Variants in NRXN1 observed in about 807,000 individuals in gnomAD.
NRXN1 encodes the protein neurexin-1.
A neutral mutation model predicts 150.9 loss-of-function variants in NRXN1; 39 were observed. The ratio of observed to expected loss-of-function variants is 0.26; its 90% CI spans 0.20 to 0.34. The LOEUF (loss-of-function observed/expected upper bound fraction) is 0.34. NRXN1 is among the 10% of genes least tolerant of loss of function. The pLI is 1.00. For synonymous variants in NRXN1, 924 were observed against 757.0 expected (o/e 1.22, Z -3.62); for missense variants, 1,815 against 1,949.9 (o/e 0.93, Z 1.30).
At chr2:50,642,501 G>A (rs1326654218) in intron 5 of NRXN1, among the ~76,000 whole-genome samples, 1 of 151,910 alleles carries the variant, frequency 6.6e-6, no homozygotes, top group Non-Finnish European at 1.5e-5. Context: ...GTGACATCAT[G>A]AAGAATAATG....
intron 5 of NRXN1, among the ~76,000 whole-genome samples, chr2:50,648,843 C>T (rs1487981046): frequency 6.6e-6 from 1 of 151,986 alleles, no homozygotes; most frequent in Non-Finnish European, 1.5e-5. Context: ...AATCCAGTTT[C>T]CTCATAGAAC....
chr2:50,597,945 C>T (rs1223043125), intron 8 of NRXN1, among the ~76,000 whole-genome samples: 1 of 152,062 alleles, frequency 6.6e-6, no homozygotes, highest in Non-Finnish European at 1.5e-5. Flanking sequence ...TCAAGACTGG[C>T]CTGGCCAATA....
At chr2:50,285,651 T>G (rs913886721) in intron 17 of NRXN1, among the ~76,000 whole-genome samples, 1 of 152,172 alleles carries the variant, frequency 6.6e-6, no homozygotes, top group African/African-American at 2.4e-5. Context: ...GTTGTATAGA[T>G]TGTAAAATGG....
chr2:50,277,963 C>G (rs562881492), intron 17 of NRXN1, among the ~76,000 whole-genome samples: 143 of 151,660 alleles, frequency 9.4e-4, no homozygotes, highest in Non-Finnish European at 1.8e-3. Flanking sequence ...TGTTAAGGTC[C>G]TGGTTATTTT....
chr2:50,345,365 T>C (rs1004193562), intron 17 of NRXN1, among the ~76,000 whole-genome samples: 3 of 152,186 alleles, frequency 2.0e-5, no homozygotes, highest in Admixed American at 6.5e-5. Context: ...CCTGCATCCA[T>C]GGAATAAAGG....
At chr2:49,998,786 G>C (rs1014620998) in intron 21 of NRXN1, among the ~76,000 whole-genome samples, 1 of 152,136 alleles carries the variant, frequency 6.6e-6, no homozygotes, top group East Asian at 1.9e-4. Flanking sequence ...TTGCCTACAC[G>C]AAGTAGTGTA....
chr2:50,528,857 A>C, intron 11 of NRXN1: 1 of 463,480 alleles, frequency 2.2e-6, no homozygotes, highest in South Asian at 3.9e-5. Flanking sequence ...GGTTTTAAAA[A>C]TGGCCAATTC....
chr2:50,472,284 C>CA lies in NRXN1; in HGVS notation c.3244+13dup. ...ATTAGAATTATTTAGAGCATGATGA[C>CA]AAAAATCTAATACCTTCACATCCTC... On this transcript the variant is annotated intron_variant, in intron 16 of 22. Transcript: ENST00000401669. 6.5e-7 allele frequency: 1 copy of CA among 1,528,592 alleles called. No individual in the cohort carries two copies. Among genetic ancestry groups the CA allele is most frequent in the Non-Finnish European group, 8.8e-7 (1 of 1,134,434 alleles). The allele number at this position is 1,528,592 out of a possible 1,614,324, so 94.7% of individuals were successfully genotyped here.
At chr2:50,596,981 T>C (rs947015556) in intron 8 of NRXN1, among the ~76,000 whole-genome samples, 1 of 149,946 alleles carries the variant, frequency 6.7e-6, no homozygotes, top group Non-Finnish European at 1.5e-5. Flanking sequence ...TCCTCCTGAG[T>C]AGCTGGGACA....
At chr2:50,801,743 G>A (rs1707629006) in intron 5 of NRXN1, among the ~76,000 whole-genome samples, 1 of 152,094 alleles carries the variant, frequency 6.6e-6, no homozygotes, top group South Asian at 2.1e-4. Context: ...TTCAAGGCTG[G>A]GTTTGATGTA....
intron 5 of NRXN1, among the ~76,000 whole-genome samples, chr2:50,739,013 G>A (rs1699104767): frequency 6.6e-6 from 1 of 152,056 alleles, no homozygotes; most frequent in South Asian, 2.1e-4. Context: ...TGCTCTATTA[G>A]GCCTAGCCTG....
At chr2:50,103,365 A>G (rs1573928606) in intron 18 of NRXN1, among the ~76,000 whole-genome samples, 1 of 151,998 alleles carries the variant, frequency 6.6e-6, no homozygotes, top group Admixed American at 6.6e-5. Context: ...GTCTGAAATC[A>G]CTTGACTGGT....
chr2:50,146,993 A>AT (rs760252160), intron 18 of NRXN1, among the ~76,000 whole-genome samples: 31 of 151,702 alleles, frequency 2.0e-4, no homozygotes, highest in Admixed American at 2.0e-4. Context: ...CTACATAAAT[A>AT]ATTCCCTAAG....
At chr2:50,694,687 T>C (rs1198478678) in intron 5 of NRXN1, among the ~76,000 whole-genome samples, 1 of 152,142 alleles carries the variant, frequency 6.6e-6, no homozygotes. Context: ...AATCAATTGA[T>C]TTGATTATGA....
rs2092201132 is a variant in NRXN1, at chr2:50,505,984, A to C, written c.2497+511T>G. On this transcript the variant is annotated intron_variant, in intron 13 of 22. Transcript: ENST00000401669. ...AATCTAAAAATGGGGGTTGAACTTG[A>C]CATCCTTAATATTAGAATTTAACCA... Among the ~76,000 whole-genome samples the C allele has an allele frequency of 2.0e-5, 3 of 152,284 alleles. No individual in the cohort carries two copies. In the South Asian group the frequency reaches 6.2e-4, roughly 32 times the overall value.
At chr2:50,552,103 G>A (rs959371120) in intron 9 of NRXN1, among the ~76,000 whole-genome samples, 1 of 152,176 alleles carries the variant, frequency 6.6e-6, no homozygotes, top group African/African-American at 2.4e-5. Context: ...TCCTTGAAAT[G>A]CTACTGTATT....
At chr2:50,997,293 G>C (rs1699443760) in intron 2 of NRXN1, among the ~76,000 whole-genome samples, 1 of 151,898 alleles carries the variant, frequency 6.6e-6, no homozygotes, top group African/African-American at 2.4e-5. Flanking sequence ...AATTAGCCAA[G>C]TGCAGTGGTA....
chr2:50,673,417 A>G (rs1689128013), intron 5 of NRXN1, among the ~76,000 whole-genome samples: 1 of 152,148 alleles, frequency 6.6e-6, no homozygotes, highest in African/African-American at 2.4e-5. Context: ...CAATGCCTAC[A>G]GTACAGTATT....
intron 13 of NRXN1, among the ~76,000 whole-genome samples, chr2:50,501,452 T>C (rs1001961774): frequency 7.0e-6 from 1 of 141,938 alleles, no homozygotes; most frequent in African/African-American, 2.5e-5. Flanking sequence ...GTGCAAGAGA[T>C]TGGAGAGTGA....
Sources: gnomAD v4.1 joint callset for allele counts (sites outside exome capture counted in the v4.1 genomes callset) on GRCh38, gnomAD v4.1.1 for gene constraint, MANE v1.5 for transcripts, NCBI Gene and HGNC (gene_info 2026-07-23, HGNC 2026-07-21) for gene names.